The following ZNF536 variants were observed in gnomAD, a reference collection of about 807,000 sequenced individuals.
ZNF536 encodes the protein zinc finger protein 536.
In ZNF536, 13 loss-of-function variants were observed where a neutral mutation model predicts 84.5. That is an observed-to-expected ratio of 0.15 (90% confidence interval 0.10 to 0.24). The LOEUF (loss-of-function observed/expected upper bound fraction) is 0.24. Ranked by LOEUF, ZNF536 falls within the 10% of genes least tolerant of loss-of-function variation. The pLI, the probability that ZNF536 is intolerant of heterozygous loss-of-function variation, is 1.00. For synonymous variants in ZNF536, 811 were observed against 742.5 expected (o/e 1.09, Z -1.50); for missense variants, 1,536 against 1,747.5 (o/e 0.88, Z 2.16).
chr19:30,403,586 A>G (rs764874383), intron 1 of ZNF536, among the ~76,000 whole-genome samples: 6 of 152,202 alleles, frequency 3.9e-5, no homozygotes, highest in Non-Finnish European at 5.9e-5. Flanking sequence ...GGGCTAGTGC[A>G]TGGAAACTAA....
At chr19:30,307,836 C>A (rs771728320) in intron 2 of ZNF536, among the ~76,000 whole-genome samples, 1 of 152,134 alleles carries the variant, frequency 6.6e-6, no homozygotes, top group Non-Finnish European at 1.5e-5. Flanking sequence ...AAGCTTTTAG[C>A]GAGTTGCTCT....
At chr19:30,612,459 C>A (rs1350578312) in intron 1 of ZNF536, among the ~76,000 whole-genome samples, 4 of 152,164 alleles carry the variant, frequency 2.6e-5, no homozygotes, top group African/African-American at 9.7e-5. Flanking sequence ...TCACTGAGGT[C>A]TCTGGATATG....
intron 1 of ZNF536, among the ~76,000 whole-genome samples, chr19:30,254,030 A>T (rs2024770798): frequency 6.6e-6 from 1 of 152,144 alleles, no homozygotes; most frequent in African/African-American, 2.4e-5. Context: ...TCAAAAGTGG[A>T]GGGGGGTGTG....
intron 1 of ZNF536, among the ~76,000 whole-genome samples, chr19:30,390,327 G>A (rs1001537380): frequency 3.3e-5 from 5 of 152,110 alleles, no homozygotes; most frequent in African/African-American, 1.2e-4. Context: ...TAATAAGCTC[G>A]CATGCTGAAA....
intron 2 of ZNF536, among the ~76,000 whole-genome samples, chr19:30,295,900 C>T (rs1283202041): frequency 6.6e-6 from 1 of 152,184 alleles, no homozygotes; most frequent in Non-Finnish European, 1.5e-5. Flanking sequence ...CTGCCCTGTC[C>T]TGCAGGAGGT....
rs1568432611 is a variant in ZNF536 at position 30,443,606 on chromosome 19, C to CGGA, written c.45_47dup (p.Glu16dup). 1.9e-6 allele frequency: 3 copies of CGGA among 1,589,080 alleles called. No homozygotes were observed. The highest frequency in any genetic ancestry group is 1.7e-6 in the Non-Finnish European group (2 of 1,170,200). On this transcript the variant is annotated inframe_insertion, in exon 2 of 5. Transcript: ENST00000355537. ...TGCCTTGGAGTGTCTTCGGCGGAGC[C>CGGA]GGAAGCTGAGCCCCACCTGAGTGGC...
At chr19:30,708,555 T>C (rs140262774) in intron 1 of ZNF536, among the ~76,000 whole-genome samples, 2,113 of 152,310 alleles carry the variant, frequency 0.014, 18 homozygotes, top group Non-Finnish European at 0.017. Flanking sequence ...GGTGGGAAAC[T>C]GGAAGCATGA....
chr19:30,689,795 T>C (rs1043356049), intron 1 of ZNF536, among the ~76,000 whole-genome samples: 1 of 152,132 alleles, frequency 6.6e-6, no homozygotes, highest in Non-Finnish European at 1.5e-5. Context: ...AAGACAATGG[T>C]GGCATTAATG....
At chr19:30,681,484 GC>G (rs2050969249) in intron 1 of ZNF536, among the ~76,000 whole-genome samples, 1 of 152,186 alleles carries the variant, frequency 6.6e-6, no homozygotes. Flanking sequence ...AGAAAGTGCA[GC>G]TTAAGAGCTC....
intron 1 of ZNF536, among the ~76,000 whole-genome samples, chr19:30,589,233 A>G (rs2047197992): frequency 1.3e-5 from 2 of 152,146 alleles, no homozygotes; most frequent in Admixed American, 6.5e-5. Context: ...AACCATCTGC[A>G]TGGTTTCCAT....
chr19:30,612,057 C>T (rs1262838585), intron 1 of ZNF536, among the ~76,000 whole-genome samples: 1 of 152,086 alleles, frequency 6.6e-6, no homozygotes, highest in Non-Finnish European at 1.5e-5. Flanking sequence ...GGTCTTGTGT[C>T]CTCTGTGATT....
intron 1 of ZNF536, among the ~76,000 whole-genome samples, chr19:30,440,924 TAGATA>T (rs1038763488): frequency 1.3e-5 from 2 of 151,154 alleles, no homozygotes; most frequent in African/African-American, 4.9e-5. Flanking sequence ...GATAGATAGA[TAGATA>T]GATAGATAGA....
Position 30,234,711 on chromosome 19 carries a change from T to G in ZNF536, c.-190+6038T>G, listed in dbSNP as rs574058887. On this transcript the variant is annotated intron_variant, in intron 1 of 5. Coordinates refer to the ZNF536 transcript ENST00000585628. ...GCCAATGTGCCTGGCCTCCTTTACA[T>G]TTTTTAGGCTTTTTGTTGCTTTATT... is the stretch of plus-strand genomic sequence containing the variant. 4.2e-4 allele frequency among the ~76,000 whole-genome samples: 63 copies of G among 151,706 alleles called. 1 individual carries two copies. Among genetic ancestry groups the G allele is most frequent in the African/African-American group, 1.5e-3 (62 of 41,270 alleles).
intron 2 of ZNF536, among the ~76,000 whole-genome samples, chr19:30,523,356 C>A (rs1384259624): frequency 6.6e-6 from 1 of 152,178 alleles, no homozygotes; most frequent in African/African-American, 2.4e-5. Flanking sequence ...ACTCTACAAT[C>A]CTTTGAGACA....
intron 2 of ZNF536, among the ~76,000 whole-genome samples, chr19:30,509,336 A>G (rs1284217243): frequency 1.4e-5 from 2 of 145,466 alleles, no homozygotes; most frequent in Non-Finnish European, 3.0e-5. Flanking sequence ...TATGTATAAG[A>G]TATGATTATA....
chr19:30,379,673 C>T (rs149072540), intron 1 of ZNF536, among the ~76,000 whole-genome samples: 11 of 151,136 alleles, frequency 7.3e-5, no homozygotes, highest in Non-Finnish European at 1.3e-4. Flanking sequence ...GGAGGTGGGA[C>T]GATGCCCAAG....
At chr19:30,642,703 G>A (rs564348188) in intron 1 of ZNF536, among the ~76,000 whole-genome samples, 2 of 152,320 alleles carry the variant, frequency 1.3e-5, no homozygotes, top group East Asian at 3.9e-4. Flanking sequence ...ACTGAGAAAG[G>A]AGAGACTGTT....
At chr19:30,421,527 A>G (rs1190241664) in intron 1 of ZNF536, among the ~76,000 whole-genome samples, 3 of 152,108 alleles carry the variant, frequency 2.0e-5, no homozygotes, top group Non-Finnish European at 4.4e-5. Context: ...CACGCCTGGT[A>G]ATTTTTAAAT....
chr19:30,384,579 C>A (rs191331010), intron 1 of ZNF536, among the ~76,000 whole-genome samples: 6 of 151,524 alleles, frequency 4.0e-5, no homozygotes, highest in Non-Finnish European at 7.4e-5. Flanking sequence ...CTTCAGGCAT[C>A]GATGTGGGTC....
Sources: allele counts gnomAD v4.1 joint callset (sites outside exome capture counted in the v4.1 genomes callset), GRCh38; gene constraint gnomAD v4.1.1; transcripts MANE v1.5; gene names NCBI Gene and HGNC (gene_info 2026-07-23, HGNC 2026-07-21).